Variants in CABCOCO1 observed in about 807,000 individuals in gnomAD.
The protein encoded by CABCOCO1 is ciliary-associated calcium-binding coiled-coil protein 1.
A neutral mutation model predicts 35.7 loss-of-function variants in CABCOCO1; 28 were observed. The observed-to-expected ratio is 0.78, with a 90% confidence interval of 0.58 to 1.07. The LOEUF (loss-of-function observed/expected upper bound fraction) is 1.07. CABCOCO1 is among the 50% of genes least tolerant of loss of function. The probability of loss-of-function intolerance (pLI) is 0.00; values close to 1 mark genes in which losing one functional copy is unlikely to be tolerated. For synonymous variants in CABCOCO1, 95 were observed against 100.1 expected (o/e 0.95, Z 0.30); for missense variants, 326 against 309.2 (o/e 1.05, Z -0.41).
intron 5 of CABCOCO1, among the ~76,000 whole-genome samples, chr10:61,748,778 A>G (rs1032561985): frequency 6.6e-6 from 1 of 152,232 alleles, no homozygotes; most frequent in Non-Finnish European, 1.5e-5. Context: ...CCTAAAATCC[A>G]CAGGGCAGAA....
chr10:61,679,372 GA>G (rs1010237310), intron 2 of CABCOCO1, among the ~76,000 whole-genome samples: 1 of 151,540 alleles, frequency 6.6e-6, no homozygotes, highest in African/African-American at 2.4e-5. Context: ...CCCAGGAGGG[GA>G]AACCTTAAAG....
At chr10:61,740,395 A>T (rs1200371538) in intron 5 of CABCOCO1, among the ~76,000 whole-genome samples, 2 of 152,222 alleles carry the variant, frequency 1.3e-5, no homozygotes, top group Non-Finnish European at 2.9e-5. Context: ...AGGAGAAACC[A>T]GGTTTGAAAT....
chr10:61,698,567 G>T (rs1840355101), intron 5 of CABCOCO1, among the ~76,000 whole-genome samples: 1 of 152,008 alleles, frequency 6.6e-6, no homozygotes, highest in Non-Finnish European at 1.5e-5. Context: ...ACCACTTAAG[G>T]TCAATAAATG....
chr10:61,686,198 T>C lies in CABCOCO1; in HGVS notation c.479+13T>C. 1 of 1,520,506 alleles carries C rather than the reference T, an allele frequency of 6.6e-7. No homozygotes were observed. Among genetic ancestry groups the C allele is most frequent in the Non-Finnish European group, 8.8e-7 (1 of 1,136,744 alleles). 94.2% of individuals were successfully genotyped at this position (1,520,506 alleles called of 1,614,324 possible). A position where few individuals can be genotyped will look rare whatever the true frequency, so the allele number is the denominator to read the frequency against. ...ACTTAAAAATCAGGTATGGATTATT[T>C]TCAGTAACATTTATTTTTCATTTCA... On this transcript the variant is annotated intron_variant, in intron 4 of 7. Transcript: ENST00000648843.
intron 5 of CABCOCO1, among the ~76,000 whole-genome samples, chr10:61,706,283 A>T (rs1306607351): frequency 6.6e-6 from 1 of 152,240 alleles, no homozygotes; most frequent in Non-Finnish European, 1.5e-5. Flanking sequence ...ATTAAATTAC[A>T]GCCGAAATTG....
At chr10:61,720,428 T>C (rs1364154377) in intron 5 of CABCOCO1, among the ~76,000 whole-genome samples, 1 of 152,128 alleles carries the variant, frequency 6.6e-6, no homozygotes, top group Non-Finnish European at 1.5e-5. Flanking sequence ...GTCCAGATGA[T>C]AGGAAATGAT....
At chr10:61,709,372 G>A (rs1840670419) in intron 5 of CABCOCO1, among the ~76,000 whole-genome samples, 1 of 151,940 alleles carries the variant, frequency 6.6e-6, no homozygotes, top group Non-Finnish European at 1.5e-5. Context: ...CTTAGAAACA[G>A]AGCCATCAAA....
chr10:61,728,142 A>G (rs1841208101), intron 5 of CABCOCO1, among the ~76,000 whole-genome samples: 1 of 152,122 alleles, frequency 6.6e-6, no homozygotes, highest in South Asian at 2.1e-4. Context: ...TGGGTGTTTT[A>G]TCTTTCTGAT....
At position 61,704,536 on chromosome 10, in the gene CABCOCO1, T is replaced by C. The variant is rs182648264; in HGVS notation, c.552+13915T>C. On this transcript the variant is annotated intron_variant, in intron 5 of 7. Transcript: ENST00000648843. ...GAGTGAGCTTGGAAGTAGATCCTCC[T>C]CTAATTGATCCCTGAGATGAATGCA... Among the ~76,000 whole-genome samples, 226 of 152,266 alleles carry C rather than the reference T, an allele frequency of 1.5e-3. 1 individual carries two copies. The highest frequency in any genetic ancestry group is 5.2e-3 in the African/African-American group (215 of 41,542).
At chr10:61,733,766 CTTATT>C (rs2132057468) in intron 5 of CABCOCO1, among the ~76,000 whole-genome samples, 1 of 152,024 alleles carries the variant, frequency 6.6e-6, no homozygotes, top group Admixed American at 6.6e-5. Context: ...ATCTACATTT[CTTATT>C]TTATTTTAGT....
chr10:61,734,728 GAAGT>G (rs1459065229), intron 5 of CABCOCO1, among the ~76,000 whole-genome samples: 1 of 152,054 alleles, frequency 6.6e-6, no homozygotes, highest in Non-Finnish European at 1.5e-5. Context: ...CATAACTAAA[GAAGT>G]AAGTGGAGCG....
chr10:61,759,213 G>A (rs1220078458), intron 5 of CABCOCO1, among the ~76,000 whole-genome samples: 1 of 152,032 alleles, frequency 6.6e-6, no homozygotes, highest in Non-Finnish European at 1.5e-5. Flanking sequence ...TAGTAGGCAT[G>A]AAAACGAGAA....
intron 5 of CABCOCO1, among the ~76,000 whole-genome samples, chr10:61,734,660 T>C (rs960015591): frequency 6.6e-6 from 1 of 152,060 alleles, no homozygotes; most frequent in Non-Finnish European, 1.5e-5. Flanking sequence ...GGAGAAAACA[T>C]TGGTTTTTCA....
chr10:61,713,229 G>T (rs1840775646), intron 5 of CABCOCO1, among the ~76,000 whole-genome samples: 1 of 152,152 alleles, frequency 6.6e-6, no homozygotes, highest in African/African-American at 2.4e-5. Context: ...CACATCCCTT[G>T]TAAGTTGGAT....
At chr10:61,679,802 C>G (rs1397443733) in intron 2 of CABCOCO1, among the ~76,000 whole-genome samples, 1 of 151,958 alleles carries the variant, frequency 6.6e-6, no homozygotes, top group Non-Finnish European at 1.5e-5. Context: ...AAAATATAAT[C>G]AACTATTTTA....
chr10:61,669,352 G>A (rs1227359978), intron 1 of CABCOCO1, among the ~76,000 whole-genome samples: 1 of 151,958 alleles, frequency 6.6e-6, no homozygotes, highest in African/African-American at 2.4e-5. Flanking sequence ...TCCACCAGGT[G>A]GTGGAGTAAA....
At chr10:61,663,309 T>G (rs1453554660) in intron 1 of CABCOCO1, 3 of 152,644 alleles carry the variant, frequency 2.0e-5, no homozygotes, top group African/African-American at 7.3e-5. Flanking sequence ...ATTGGACGGC[T>G]CCGTGCCCAA....
chr10:61,720,762 A>T (rs1278488064), intron 5 of CABCOCO1, among the ~76,000 whole-genome samples: 1 of 152,092 alleles, frequency 6.6e-6, no homozygotes, highest in African/African-American at 2.4e-5. Flanking sequence ...GCATGAAACA[A>T]CATCTTCAAA....
intron 5 of CABCOCO1, among the ~76,000 whole-genome samples, chr10:61,696,348 G>C (rs988347263): frequency 2.0e-5 from 3 of 151,840 alleles, no homozygotes; most frequent in African/African-American, 7.3e-5. Context: ...CAAAACTATA[G>C]TAATAAATAT....
Sources: allele counts gnomAD v4.1 joint callset (sites outside exome capture counted in the v4.1 genomes callset), GRCh38; gene constraint gnomAD v4.1.1; transcripts MANE v1.5; gene names NCBI Gene and HGNC (gene_info 2026-07-23, HGNC 2026-07-21).